The following RTL4 variants were observed in gnomAD, a reference collection of about 807,000 sequenced individuals.
RTL4 encodes retrotransposon Gag like 4, also known as retrotransposon Gag-like protein 4.
A neutral mutation model predicts 5.3 loss-of-function variants in RTL4; 4 were observed. That is an observed-to-expected ratio of 0.75 (90% CI 0.37 to 1.72). RTL4 has a LOEUF of 1.72. Ranked by LOEUF, RTL4 falls within the 40% of genes most tolerant of loss-of-function variation. RTL4 has a pLI of 0.04. For missense variants in RTL4, 260 were observed against 227.1 expected, an observed-to-expected ratio of 1.14 and a Z score of -0.93; for synonymous variants, 98 against 87.3, an observed-to-expected ratio of 1.12 and a Z score of -0.68.
the RTL4 span, among the ~76,000 whole-genome samples, chrX:112,160,638 G>T: frequency 8.9e-6 from 1 of 111,800 alleles, no homozygotes; most frequent in Non-Finnish European, 1.9e-5. Context: ...CTATGTAAAT[G>T]CTTTCAGCTT....
At chrX:112,249,263 T>C in the RTL4 span, among the ~76,000 whole-genome samples, 1 of 112,098 alleles carries the variant, frequency 8.9e-6, no homozygotes, top group South Asian at 3.7e-4. Context: ...TGTAAATTAA[T>C]ACAGATTTGA....
chrX:112,188,707 AAAAC>A, the RTL4 span, among the ~76,000 whole-genome samples: 9 of 106,634 alleles, frequency 8.4e-5, 1 homozygote, highest in African/African-American at 1.7e-4. Flanking sequence ...CTTGGAATAG[AAAAC>A]AAACAAACAA....
the RTL4 span, among the ~76,000 whole-genome samples, chrX:112,315,984 G>A: frequency 8.9e-6 from 1 of 112,152 alleles, no homozygotes; most frequent in African/African-American, 3.2e-5. Context: ...CATAGAATGT[G>A]TGTTTTCTTC....
At chrX:112,403,438 C>T in the RTL4 span, among the ~76,000 whole-genome samples, 1 of 111,966 alleles carries the variant, frequency 8.9e-6, no homozygotes, top group Non-Finnish European at 1.9e-5. Flanking sequence ...CTACAGAAAG[C>T]TTTGTCTAGT....
the RTL4 span, among the ~76,000 whole-genome samples, chrX:112,309,357 T>C: frequency 3.1e-4 from 34 of 110,843 alleles, no homozygotes; most frequent in African/African-American, 1.1e-3. Flanking sequence ...CATGACCTCA[T>C]CTAAACCTAA....
At chrX:112,444,443 T>A in the RTL4 span, among the ~76,000 whole-genome samples, 2 of 112,060 alleles carry the variant, frequency 1.8e-5, no homozygotes, top group African/African-American at 6.5e-5. Flanking sequence ...TGTGGTTTCA[T>A]GTAAAATTTA....
At chrX:112,161,663 T>C in the RTL4 span, among the ~76,000 whole-genome samples, 1 of 111,175 alleles carries the variant, frequency 9.0e-6, no homozygotes, top group Non-Finnish European at 1.9e-5. Flanking sequence ...CAAACACATA[T>C]AACAGAGACA....
At chrX:112,443,173 G>A in the RTL4 span, among the ~76,000 whole-genome samples, 1 of 111,672 alleles carries the variant, frequency 9.0e-6, no homozygotes, top group Admixed American at 9.5e-5. Flanking sequence ...AAATAGGTAA[G>A]AACGTGAGAT....
the RTL4 span, among the ~76,000 whole-genome samples, chrX:112,257,459 T>C: frequency 9.0e-6 from 1 of 111,442 alleles, no homozygotes; most frequent in Non-Finnish European, 1.9e-5. Flanking sequence ...TTTAGCGTTG[T>C]TGTGTCTTAG....
chrX:112,261,795 T>C, the RTL4 span, among the ~76,000 whole-genome samples: 1 of 111,553 alleles, frequency 9.0e-6, no homozygotes, highest in Non-Finnish European at 1.9e-5. Flanking sequence ...TCAAACTATA[T>C]TAAAAGGCTG....
chrX:112,421,324 A>T, the RTL4 span, among the ~76,000 whole-genome samples: 2 of 111,732 alleles, frequency 1.8e-5, no homozygotes, highest in Non-Finnish European at 3.8e-5. Flanking sequence ...TACAAATGTA[A>T]GGTCTTCATT....
At chrX:112,358,882 T>C in the RTL4 span, among the ~76,000 whole-genome samples, 1 of 111,829 alleles carries the variant, frequency 8.9e-6, no homozygotes, top group African/African-American at 3.2e-5. Flanking sequence ...GGTGATTCAT[T>C]TAGGCCAATC....
the RTL4 span, among the ~76,000 whole-genome samples, chrX:112,290,149 G>A: frequency 1.8e-5 from 2 of 111,552 alleles, no homozygotes; most frequent in Non-Finnish European, 3.8e-5. Flanking sequence ...ATAGATAAAC[G>A]GTGATTATTG....
At chrX:112,191,385 C>A in the RTL4 span, among the ~76,000 whole-genome samples, 1 of 111,539 alleles carries the variant, frequency 9.0e-6, no homozygotes, top group African/African-American at 3.3e-5. Context: ...AATGAAATGG[C>A]TCCTGAAAGC....
At chrX:112,336,382 A>C in the RTL4 span, among the ~76,000 whole-genome samples, 3 of 111,325 alleles carry the variant, frequency 2.7e-5, no homozygotes, top group African/African-American at 9.8e-5. Context: ...TGTTTTACTT[A>C]GTTTTGTGCA....
the RTL4 span, among the ~76,000 whole-genome samples, chrX:112,256,235 T>C: frequency 7.1e-5 from 8 of 112,250 alleles, no homozygotes; most frequent in Admixed American, 9.5e-5. Flanking sequence ...CATTATGAAA[T>C]GGCATAACAA....
chrX:112,231,564 A>T, the RTL4 span, among the ~76,000 whole-genome samples: 1 of 69,622 alleles, frequency 1.4e-5, no homozygotes, highest in Non-Finnish European at 2.5e-5. Flanking sequence ...CACACCAGGG[A>T]CTGTTGTGGG....
the RTL4 span, among the ~76,000 whole-genome samples, chrX:112,095,116 A>G: frequency 1.8e-5 from 2 of 111,653 alleles, no homozygotes; most frequent in African/African-American, 3.3e-5. Flanking sequence ...TAACCTTAGA[A>G]AGGAGGGAGG....
At chrX:112,341,162 G>T in the RTL4 span, among the ~76,000 whole-genome samples, 1 of 105,478 alleles carries the variant, frequency 9.5e-6, no homozygotes, top group Admixed American at 1.0e-4. Flanking sequence ...CTGATAGCAG[G>T]CAAAAAAAAA....
Sources: allele counts gnomAD v4.1 joint callset (sites outside exome capture counted in the v4.1 genomes callset), GRCh38; gene constraint gnomAD v4.1.1; transcripts MANE v1.5; gene names NCBI Gene and HGNC (gene_info 2026-07-23, HGNC 2026-07-21).